Variants in BCKDHB observed in about 807,000 individuals in gnomAD.
BCKDHB encodes 2-oxoisovalerate dehydrogenase subunit beta, mitochondrial.
Under a neutral mutation model 48.5 loss-of-function variants are expected in BCKDHB, and 41 were observed. The observed-to-expected ratio is 0.85, with a 90% CI of 0.66 to 1.10. The LOEUF (loss-of-function observed/expected upper bound fraction) is 1.10, where lower values mean the gene tolerates loss of function less well. Among genes scored for constraint, BCKDHB ranks in the 50% least tolerant of loss-of-function variants. BCKDHB has a pLI of 0.00. For synonymous variants in BCKDHB, 201 were observed against 174.8 expected (o/e 1.15, Z -1.18); for missense variants, 496 against 494.2 (o/e 1.00, Z -0.03).
intron 9 of BCKDHB, among the ~76,000 whole-genome samples, chr6:80,322,238 CTTT>C (rs776940885): frequency 3.4e-5 from 4 of 116,660 alleles, no homozygotes; most frequent in Admixed American, 1.0e-4. Context: ...TCTTTCTTTT[CTTT>C]TTTTTTTTTT....
the BCKDHB span, among the ~76,000 whole-genome samples, chr6:80,443,777 G>A: frequency 6.6e-6 from 1 of 152,022 alleles, no homozygotes; most frequent in Non-Finnish European, 1.5e-5. Context: ...CCAAAATGCT[G>A]GGATTACAGG....
the BCKDHB span, among the ~76,000 whole-genome samples, chr6:80,416,736 A>G: frequency 1.3e-5 from 2 of 151,436 alleles, no homozygotes; most frequent in Non-Finnish European, 2.9e-5. Flanking sequence ...TGTGGTGGTG[A>G]GAATAATGTA....
chr6:80,329,252 C>T (rs1293950428), intron 9 of BCKDHB, among the ~76,000 whole-genome samples: 1 of 152,052 alleles, frequency 6.6e-6, no homozygotes, highest in Non-Finnish European at 1.5e-5. Flanking sequence ...TCCTTAAAAA[C>T]TTTTTTACTG....
At chr6:80,151,505 G>T (rs147113772) in intron 3 of BCKDHB, among the ~76,000 whole-genome samples, 2 of 151,260 alleles carry the variant, frequency 1.3e-5, no homozygotes, top group Non-Finnish European at 2.9e-5. Flanking sequence ...CCGCCTGTAT[G>T]TGGGCCTTTA....
chr6:80,136,491 A>G (rs1010488105), intron 3 of BCKDHB, among the ~76,000 whole-genome samples: 7 of 152,292 alleles, frequency 4.6e-5, no homozygotes, highest in Admixed American at 6.5e-5. Context: ...TAAATGTAAA[A>G]CTATAAAACT....
intron 4 of BCKDHB, 84 bp downstream of exon 4, chr6:80,167,895 A>T: frequency 1.5e-6 from 2 of 1,327,202 alleles, no homozygotes; most frequent in Non-Finnish European, 2.1e-6. Flanking sequence ...CCTTACCTGC[A>T]TTCTAAACAT....
At chr6:80,197,520 T>C (rs1402092765) in intron 6 of BCKDHB, among the ~76,000 whole-genome samples, 1 of 152,226 alleles carries the variant, frequency 6.6e-6, no homozygotes, top group Non-Finnish European at 1.5e-5. Flanking sequence ...TAATTGCTCA[T>C]TGGCAACCTG....
At chr6:80,138,488 C>T (rs1420859701) in intron 3 of BCKDHB, among the ~76,000 whole-genome samples, 1 of 152,134 alleles carries the variant, frequency 6.6e-6, no homozygotes. Flanking sequence ...GTTCCCCGTC[C>T]TGTGTCCATG....
chr6:80,319,363 A>G (rs1175009490), intron 9 of BCKDHB, among the ~76,000 whole-genome samples: 1 of 152,206 alleles, frequency 6.6e-6, no homozygotes, highest in Non-Finnish European at 1.5e-5. Context: ...TGAATGAATT[A>G]TTAAAGTTAA....
Position 80,155,586 on chromosome 6 carries a change from A to T in BCKDHB, c.344-12092A>T, listed in dbSNP as rs543581050. On this transcript the variant is annotated intron_variant, in intron 3 of 9. Transcript: ENST00000320393. ...TTGTCATTTTGTAATTAGTTTTTCT[A>T]TGTGCTCTTTTCATACCCAACCATA... Among the ~76,000 whole-genome samples, 8 of 152,226 alleles carry T rather than the reference A, an allele frequency of 5.3e-5. No individual in the cohort carries two copies. In the East Asian group the frequency reaches 1.3e-3, roughly 26 times the overall value.
intron 3 of BCKDHB, among the ~76,000 whole-genome samples, chr6:80,156,246 A>G (rs1772040705): frequency 6.6e-6 from 1 of 151,808 alleles, no homozygotes; most frequent in Admixed American, 6.6e-5. Flanking sequence ...TTGCCATGCA[A>G]CTAGATACTA....
At chr6:80,150,134 C>G (rs1055950382) in intron 3 of BCKDHB, among the ~76,000 whole-genome samples, 1 of 152,130 alleles carries the variant, frequency 6.6e-6, no homozygotes, top group Admixed American at 6.6e-5. Context: ...TTATGCTGCT[C>G]TGTCCCTCAG....
chr6:80,432,854 TG>T, the BCKDHB span, among the ~76,000 whole-genome samples: 1 of 152,180 alleles, frequency 6.6e-6, no homozygotes, highest in African/African-American at 2.4e-5. Flanking sequence ...GACCTATGGA[TG>T]GGGTCTCTGA....
chr6:80,202,708 T>TTCCC (rs1312776113), intron 7 of BCKDHB, among the ~76,000 whole-genome samples: 1 of 151,516 alleles, frequency 6.6e-6, no homozygotes, highest in African/African-American at 2.4e-5. Flanking sequence ...CCCTCCATTT[T>TTCCC]TCCCTCCCTC....
At chr6:80,106,913 G>C in intron 1 of BCKDHB, 24 bp downstream of exon 1, 2 of 1,587,594 alleles carry the variant, frequency 1.3e-6, no homozygotes, top group Non-Finnish European at 8.6e-7. Context: ...CTGCCCACTC[G>C]GTCCCGCTGC....
intron 8 of BCKDHB, among the ~76,000 whole-genome samples, chr6:80,235,720 A>T (rs569724609): frequency 6.6e-6 from 1 of 152,330 alleles, no homozygotes. Flanking sequence ...TTCTCCTTGC[A>T]GTTGCTTGTG....
intron 6 of BCKDHB, among the ~76,000 whole-genome samples, chr6:80,190,875 G>A (rs1459348896): frequency 6.6e-6 from 1 of 152,174 alleles, no homozygotes; most frequent in Non-Finnish European, 1.5e-5. Context: ...GGTTTTTGAG[G>A]CACCTTTGGT....
intron 3 of BCKDHB, among the ~76,000 whole-genome samples, chr6:80,131,384 A>G (rs753966359): frequency 6.6e-6 from 1 of 152,172 alleles, no homozygotes; most frequent in Non-Finnish European, 1.5e-5. Context: ...TAAGCCAGAC[A>G]CTGGGGAAAT....
the BCKDHB span, chr6:80,462,889 C>T: frequency 6.6e-6 from 1 of 152,174 alleles, no homozygotes; most frequent in African/African-American, 2.4e-5. Context: ...GGAGGCCTCT[C>T]CAGATTGTGA....
Sources: allele counts gnomAD v4.1 joint callset (sites outside exome capture counted in the v4.1 genomes callset), GRCh38; gene constraint gnomAD v4.1.1; transcripts MANE v1.5; gene names NCBI Gene and HGNC (gene_info 2026-07-23, HGNC 2026-07-21).